The following WWC2 variants were observed in gnomAD, a reference collection of about 807,000 sequenced individuals.
The protein encoded by WWC2 is WW and C2 domain containing 2, also known as protein WWC2.
WWC2 carries 101 observed loss-of-function variants against 138.5 expected under a neutral mutation model. The observed-to-expected ratio is 0.73, with a 90% CI of 0.62 to 0.86. WWC2 has a LOEUF of 0.86. WWC2 is among the 40% of genes least tolerant of loss of function. WWC2 has a pLI of 0.00. For missense variants in WWC2, 1,420 were observed against 1,419.4 expected, an observed-to-expected ratio of 1.00 and a Z score of -0.01; for synonymous variants, 558 against 538.4, an observed-to-expected ratio of 1.04 and a Z score of -0.50.
chr4:183,279,818 T>A (rs1430829001), intron 16 of WWC2, among the ~76,000 whole-genome samples: 1 of 152,140 alleles, frequency 6.6e-6, no homozygotes, highest in Non-Finnish European at 1.5e-5. Context: ...TGTAAGATTC[T>A]TCTTTTTCTT....
At chr4:183,206,183 C>T (rs1188941249) in intron 2 of WWC2, among the ~76,000 whole-genome samples, 1 of 152,136 alleles carries the variant, frequency 6.6e-6, no homozygotes, top group African/African-American at 2.4e-5. Flanking sequence ...CAATCCTGTA[C>T]TACCTGTTGT....
chr4:183,315,160 G>A (rs1279975356), intron 22 of WWC2, among the ~76,000 whole-genome samples: 1 of 152,174 alleles, frequency 6.6e-6, no homozygotes, highest in East Asian at 1.9e-4. Flanking sequence ...TTCGGGACCA[G>A]GGCAGTTACT....
chr4:183,260,999 G>A lies in WWC2; in HGVS notation c.1376G>A (p.Gly459Glu). ...SRGSLNTSSR[G>E]SLNSLSSTEL... ...GGCTCTCTGAACACCTCCAGCAGAGGGTCACTCAACTCCCTCAGTTCCACC... is the reference window on the plus strand; with the variant it reads ...GGCTCTCTGAACACCTCCAGCAGAGAGTCACTCAACTCCCTCAGTTCCACC... Residue 459 changes from glycine (G) to glutamate (E), a missense_variant, in exon 11 of 23, where the codon GGG (glycine) becomes GAG (glutamate). By Grantham distance (98) the Gly-to-Glu change is moderately conservative. Transcript: ENST00000403733. 1 of 1,613,916 alleles carries A rather than the reference G, an allele frequency of 6.2e-7. No individual in the cohort carries two copies. Among genetic ancestry groups the A allele is most frequent in the East Asian group, 2.2e-5 (1 of 44,878 alleles).
At chr4:183,183,834 T>G (rs1734715147) in intron 1 of WWC2, among the ~76,000 whole-genome samples, 1 of 152,194 alleles carries the variant, frequency 6.6e-6, no homozygotes, top group Admixed American at 6.5e-5. Flanking sequence ...GCTTAAATTT[T>G]AGCCTCATTA....
chr4:183,160,618 A>G (rs764809984), intron 1 of WWC2, among the ~76,000 whole-genome samples: 2 of 152,206 alleles, frequency 1.3e-5, no homozygotes, highest in Non-Finnish European at 2.9e-5. Context: ...AAAAAATCCC[A>G]ATCAGTTTGG....
chr4:183,245,970 G>GA (rs1298504128), intron 6 of WWC2, among the ~76,000 whole-genome samples: 1 of 152,202 alleles, frequency 6.6e-6, no homozygotes, highest in Non-Finnish European at 1.5e-5. Flanking sequence ...GCTATGTGAG[G>GA]AGCTTAGAAA....
intron 22 of WWC2, 70 bp downstream of exon 22, chr4:183,312,538 A>G: frequency 1.3e-6 from 2 of 1,594,050 alleles, no homozygotes; most frequent in East Asian, 2.3e-5. Flanking sequence ...AATTCACCTC[A>G]GTGCAGTGAA....
chr4:183,280,654 T>G (rs1167596278), intron 16 of WWC2, 122 bp from the exon 17 acceptor site: 32 of 1,083,034 alleles, frequency 3.0e-5, no homozygotes, highest in Non-Finnish European at 4.1e-5. Context: ...GCTTTCATAT[T>G]TGTTTTCAGC....
At chr4:183,240,297 A>G (rs1004130660) in intron 5 of WWC2, 35 bp downstream of exon 5, 1 of 1,485,232 alleles carries the variant, frequency 6.7e-7, no homozygotes, top group South Asian at 1.3e-5. Context: ...CTTTAGAATA[A>G]GCTCCCTAAC....
chr4:183,320,618 C>G lies in WWC2; in HGVS notation c.*4889C>G, dbSNP rs559608972. The G allele has an allele frequency of 3.8e-5, 8 of 208,086 alleles. No homozygotes were observed. The highest frequency in any genetic ancestry group is 8.6e-5 in the Non-Finnish European group (8 of 92,732). 12.9% of individuals were successfully genotyped at this position (208,086 alleles called of 1,614,324 possible). ...TGTTTAACTGATGGTTTTGGTTCAA[C>G]TCCTCCTGCTTTGTGTTTCACTAAC... On this transcript the variant is annotated 3_prime_UTR_variant, in exon 23 of 23. Coordinates refer to ENST00000403733, the MANE Select transcript of WWC2 (RefSeq NM_024949.6).
At chr4:183,254,142 A>G in intron 9 of WWC2, 143 bp downstream of exon 9, 2 of 1,317,986 alleles carry the variant, frequency 1.5e-6, no homozygotes, top group Non-Finnish European at 2.0e-6. Context: ...TCTGTAGAAC[A>G]ATAAAGTGCA....
intron 1 of WWC2, among the ~76,000 whole-genome samples, chr4:183,104,946 G>A (rs995703807): frequency 5.9e-5 from 9 of 152,098 alleles, no homozygotes; most frequent in African/African-American, 2.2e-4. Flanking sequence ...TGGCTCTGTC[G>A]CCCAGGCGGG....
At chr4:183,297,002 A>G (rs1170978173) in intron 21 of WWC2, among the ~76,000 whole-genome samples, 1 of 149,138 alleles carries the variant, frequency 6.7e-6, no homozygotes, top group Non-Finnish European at 1.5e-5. Flanking sequence ...TTTTTGAGAC[A>G]GGGCCTCTGT....
intron 4 of WWC2, among the ~76,000 whole-genome samples, chr4:183,231,626 A>G (rs1736250117): frequency 6.6e-6 from 1 of 152,140 alleles, no homozygotes. Flanking sequence ...AATTGATTCA[A>G]CGAGGAATGA....
chr4:183,217,100 A>G (rs905826537), intron 4 of WWC2, among the ~76,000 whole-genome samples: 2 of 152,334 alleles, frequency 1.3e-5, no homozygotes, highest in African/African-American at 4.8e-5. Flanking sequence ...CAAACATTGA[A>G]AGGATCAAAT....
At chr4:183,284,467 C>G in intron 19 of WWC2, 77 bp downstream of exon 19, 1 of 1,534,624 alleles carries the variant, frequency 6.5e-7, no homozygotes, top group Non-Finnish European at 8.8e-7. Context: ...CTGCAAAGGA[C>G]AAGAGACTGT....
intron 2 of WWC2, among the ~76,000 whole-genome samples, chr4:183,203,301 T>C (rs1288424177): frequency 6.6e-6 from 1 of 151,994 alleles, no homozygotes; most frequent in Non-Finnish European, 1.5e-5. Flanking sequence ...CTCCTTTTCC[T>C]GTTTAGTTTT....
chr4:183,161,113 A>T (rs756449357), intron 1 of WWC2, among the ~76,000 whole-genome samples: 6 of 152,028 alleles, frequency 3.9e-5, no homozygotes, highest in Non-Finnish European at 7.4e-5. Context: ...TTACAGTACC[A>T]TTGCTCCAAG....
chr4:183,196,383 C>T (rs1735143567), intron 2 of WWC2, among the ~76,000 whole-genome samples: 1 of 152,226 alleles, frequency 6.6e-6, no homozygotes. Flanking sequence ...ATACTGTTCA[C>T]ATACGTGACC....
Sources: gnomAD v4.1 joint callset for allele counts (sites outside exome capture counted in the v4.1 genomes callset) on GRCh38, gnomAD v4.1.1 for gene constraint, MANE v1.5 for transcripts, NCBI Gene and HGNC (gene_info 2026-07-23, HGNC 2026-07-21) for gene names.